The following AKAP3 variants were observed in gnomAD, a reference collection of about 807,000 sequenced individuals.
AKAP3 encodes the protein A-kinase anchor protein 3.
AKAP3 carries 27 observed loss-of-function variants against 57.2 expected under a neutral mutation model. The observed-to-expected ratio is 0.47, with a 90% confidence interval of 0.35 to 0.65. The LOEUF (loss-of-function observed/expected upper bound fraction) is 0.65, where lower values mean the gene tolerates loss of function less well. AKAP3 is among the 30% of genes least tolerant of loss of function. The pLI is 0.01. For missense variants in AKAP3, 959 were observed against 1,040.0 expected, an observed-to-expected ratio of 0.92 and a Z score of 1.07; for synonymous variants, 334 against 392.3, an observed-to-expected ratio of 0.85 and a Z score of 1.76.
intron 5 of AKAP3, among the ~76,000 whole-genome samples, chr12:4,619,587 G>T (rs748648244): frequency 1.3e-4 from 19 of 151,790 alleles, no homozygotes; most frequent in Non-Finnish European, 2.8e-4. Context: ...AAAAACATAA[G>T]AAAAAAGGAA....
At chr12:4,616,703 TA>T (rs1335272215) in intron 5 of AKAP3, among the ~76,000 whole-genome samples, 6 of 152,156 alleles carry the variant, frequency 3.9e-5, no homozygotes, top group Non-Finnish European at 8.8e-5. Flanking sequence ...TAGCAGAATG[TA>T]AATGAGAGAG....
chr12:4,617,575 A>G (rs1247158314), intron 5 of AKAP3, among the ~76,000 whole-genome samples: 1 of 152,176 alleles, frequency 6.6e-6, no homozygotes, highest in African/African-American at 2.4e-5. Context: ...CAATATGGCA[A>G]AACCCCATCT....
rs200011619 is a variant in AKAP3 at position 4,638,246 on chromosome 12, T to G, written c.1-50A>C. On this transcript the variant is annotated intron_variant, in intron 3 of 5. Transcript: ENST00000228850. The stretch of plus-strand genomic sequence containing the variant: ...AAAGGGTCATCACAAGGGCAGATTT[T>G]ATGAAAGTAAGAAGAAATGTGGTAA... 2.3e-6 allele frequency: 3 copies of G among 1,306,556 alleles called. No individual in the cohort carries two copies. In the African/African-American group the frequency reaches 4.4e-5, roughly 19 times the overall value. The allele number at this position is 1,306,556 out of a possible 1,614,324, so 80.9% of individuals were successfully genotyped here. A position where few individuals can be genotyped will look rare whatever the true frequency, so the allele number is the denominator to read the frequency against.
rs779132476 is a variant in AKAP3 at position 4,628,780 on chromosome 12, A to T, written c.122T>A (p.Val41Glu). The T allele has an allele frequency of 1.1e-4, 176 of 1,608,904 alleles. No individual in the cohort carries two copies. The highest frequency in any genetic ancestry group is 1.4e-4 in the Non-Finnish European group (166 of 1,175,844). The change falls in exon 5 of 6, where the codon GTG (valine) becomes GAG (glutamate). Residue 41 changes from valine to glutamate, a missense_variant. By Grantham distance (121) the Val-to-Glu change is moderately radical. Transcript: ENST00000228850. ...CAGGTCTCTGCGGAGCCAGCTGAGCACTCTGACAGGATCCGTGGAGGTGTC... is the reference window on the plus strand; with the variant it reads ...CAGGTCTCTGCGGAGCCAGCTGAGCTCTCTGACAGGATCCGTGGAGGTGTC... ...KMDTSTDPVR[V>E]LSWLRRDLEK... is the part of the protein sequence containing the mutation.
intron 3 of AKAP3, among the ~76,000 whole-genome samples, chr12:4,641,039 T>C (rs998769844): frequency 2.0e-5 from 3 of 150,698 alleles, no homozygotes; most frequent in Non-Finnish European, 4.4e-5. Context: ...AAAAATTTTC[T>C]CTGAGACAGA....
intron 5 of AKAP3, among the ~76,000 whole-genome samples, chr12:4,624,236 A>G (rs1945380912): frequency 6.6e-6 from 1 of 152,140 alleles, no homozygotes; most frequent in Non-Finnish European, 1.5e-5. Flanking sequence ...TAAAATATAT[A>G]AAGCCATTAA....
intron 5 of AKAP3, among the ~76,000 whole-genome samples, chr12:4,623,833 TACTC>T (rs1945373603): frequency 6.6e-6 from 1 of 152,204 alleles, no homozygotes; most frequent in Non-Finnish European, 1.5e-5. Context: ...TATGCAAAGA[TACTC>T]ACCCTTATTC....
chr12:4,619,449 C>T (rs529400957), intron 5 of AKAP3, among the ~76,000 whole-genome samples: 2 of 151,736 alleles, frequency 1.3e-5, no homozygotes, highest in Non-Finnish European at 2.9e-5. Context: ...CCCAGCTACT[C>T]GGGAGGCTGA....
rs564915786 is a variant in AKAP3 at position 4,628,904 on chromosome 12, C to G, written c.97-99G>C. The G allele has an allele frequency of 2.1e-5, 27 of 1,285,696 alleles. No homozygotes were observed. The African/African-American group carries it at 3.9e-4, about 18-fold the overall frequency. The allele number at this position is 1,285,696 out of a possible 1,614,324, so 79.6% of individuals were successfully genotyped here. A position where few individuals can be genotyped will look rare whatever the true frequency, so the allele number is the denominator to read the frequency against. On this transcript the variant is annotated intron_variant, in intron 4 of 5. Coordinates refer to ENST00000228850, the MANE Select transcript of AKAP3 (RefSeq NM_001278309.2). ...CAGTTACAAATGTCATCAGCCCTCT[C>G]AAGCTTGCTCCATCTTGGCAATAAA...
chr12:4,630,890 T>A (rs116060650), intron 4 of AKAP3, among the ~76,000 whole-genome samples: 2,336 of 152,306 alleles, frequency 0.015, 50 homozygotes, highest in African/African-American at 0.05. Context: ...TGTTAATGAG[T>A]TAAATAAAAT....
intron 3 of AKAP3, among the ~76,000 whole-genome samples, chr12:4,639,219 C>T (rs981719645): frequency 6.6e-6 from 1 of 152,124 alleles, no homozygotes; most frequent in African/African-American, 2.4e-5. Context: ...TGAGAGTTAT[C>T]CACTGATCAT....
In AKAP3 at chr12:4,615,622, G is replaced by A; in HGVS notation, c.*117C>T. On this transcript the variant is annotated 3_prime_UTR_variant, in exon 6 of 6. Coordinates refer to ENST00000228850, the MANE Select transcript of AKAP3 (RefSeq NM_001278309.2). The stretch of plus-strand genomic sequence containing the variant: ...GACATGTCTTTGATGAGAGTGGTGT[G>A]AAGATAATGTTAGGGCTCTGTGAGG... 7.7e-7 allele frequency: 1 copy of A among 1,294,736 alleles called. No homozygotes were observed. The highest frequency in any genetic ancestry group is 1.1e-6 in the Non-Finnish European group (1 of 940,260). The allele number at this position is 1,294,736 out of a possible 1,614,324, so 80.2% of individuals were successfully genotyped here.
chr12:4,629,894 G>A (rs554547830), intron 4 of AKAP3, among the ~76,000 whole-genome samples: 19 of 152,220 alleles, frequency 1.2e-4, no homozygotes, highest in South Asian at 4.1e-4. Flanking sequence ...TTAACAATCC[G>A]ATTTATAATT....
intron 5 of AKAP3, among the ~76,000 whole-genome samples, chr12:4,616,158 A>G (rs1047240921): frequency 3.3e-5 from 5 of 152,244 alleles, no homozygotes; most frequent in Non-Finnish European, 5.9e-5. Context: ...AAAAGTCTCC[A>G]TCATTGTCCT....
At chr12:4,647,607 A>G (rs1170113415) in intron 1 of AKAP3, among the ~76,000 whole-genome samples, 7 of 152,202 alleles carry the variant, frequency 4.6e-5, no homozygotes, top group African/African-American at 1.7e-4. Flanking sequence ...TTTAAATTAT[A>G]TAATTGGCAG....
In AKAP3 at chr12:4,626,963, G is replaced by T. The variant is rs1198466408; in HGVS notation, c.1939C>A (p.Pro647Thr). The T allele has an allele frequency of 6.2e-7, 1 of 1,614,112 alleles. No homozygotes were observed. The highest frequency in any genetic ancestry group is 8.5e-7 in the Non-Finnish European group (1 of 1,180,016). Residue 647 changes from proline to threonine, a missense_variant, in exon 5 of 6, where the codon CCT becomes ACT. Pro to Thr is a conservative substitution (Grantham distance 38). Transcript: ENST00000228850. ...PPRLYEDDET[P>T]GALSGLTKMA... ...TTGGTCAGCCCAGAAAGGGCACCAGGGGTCTCATCATCCTCATATAGCCTG... is the reference window on the plus strand; with the variant it reads ...TTGGTCAGCCCAGAAAGGGCACCAGTGGTCTCATCATCCTCATATAGCCTG...
intron 4 of AKAP3, chr12:4,631,296 T>C (rs1295316078): frequency 2.9e-6 from 2 of 701,132 alleles, no homozygotes; most frequent in Admixed American, 4.0e-5. Flanking sequence ...AAATCTGTTC[T>C]GACAGCATTT....
chr12:4,626,268 A>C (rs1459069038), intron 5 of AKAP3, among the ~76,000 whole-genome samples: 2 of 152,190 alleles, frequency 1.3e-5, no homozygotes, highest in Non-Finnish European at 2.9e-5. Flanking sequence ...TAAACGCAGA[A>C]AACAGAAACA....
chr12:4,622,261 T>C (rs1487344816), intron 5 of AKAP3, among the ~76,000 whole-genome samples: 1 of 152,168 alleles, frequency 6.6e-6, no homozygotes, highest in East Asian at 1.9e-4. Flanking sequence ...AAATTCTTCA[T>C]AGAACTAGAA....
Sources: gnomAD v4.1 joint callset for allele counts (sites outside exome capture counted in the v4.1 genomes callset) on GRCh38, gnomAD v4.1.1 for gene constraint, MANE v1.5 for transcripts, NCBI Gene and HGNC (gene_info 2026-07-23, HGNC 2026-07-21) for gene names.